MTTP: variants seen among roughly 807,000 people sequenced by gnomAD.
MTTP encodes microsomal triglyceride transfer protein.
A neutral mutation model predicts 90.6 loss-of-function variants in MTTP; 49 were observed. That is an observed-to-expected ratio of 0.54 (90% CI 0.43 to 0.69). MTTP has a LOEUF of 0.69. Among genes scored for constraint, MTTP ranks in the 30% least tolerant of loss-of-function variants. MTTP has a pLI of 0.00. For missense variants in MTTP, 945 were observed against 1,067.5 expected, an observed-to-expected ratio of 0.89 and a Z score of 1.60; for synonymous variants, 347 against 384.2, an observed-to-expected ratio of 0.90 and a Z score of 1.13.
chr4:99,613,609 G>C (rs958010500), intron 15 of MTTP, among the ~76,000 whole-genome samples: 3 of 152,180 alleles, frequency 2.0e-5, no homozygotes, highest in Non-Finnish European at 4.4e-5. Flanking sequence ...CCACGGCCAT[G>C]AGCCACATGC....
At chr4:99,596,947 TACA>T (rs1725567730) in intron 7 of MTTP, 117 bp from the exon 8 acceptor site, 1 of 1,316,318 alleles carries the variant, frequency 7.6e-7, no homozygotes, top group African/African-American at 1.4e-5. Flanking sequence ...TGAGGTAAGG[TACA>T]AAAAGCTGCT....
chr4:99,604,707 C>T (rs918037115), intron 10 of MTTP, among the ~76,000 whole-genome samples: 23 of 152,088 alleles, frequency 1.5e-4, no homozygotes, highest in Admixed American at 9.2e-4. Context: ...CCACTGCTAT[C>T]TCTAATTCTA....
chr4:99,605,869 A>ATGTGTGTGTG (rs111417359), intron 10 of MTTP, among the ~76,000 whole-genome samples: 4,024 of 149,230 alleles, frequency 0.027, 146 homozygotes, highest in African/African-American at 0.084. Flanking sequence ...AACCCCATGT[A>ATGTGTGTGTG]TGTGTGTGTG....
At chr4:99,576,304 GA>G (rs1724955621) in intron 1 of MTTP, among the ~76,000 whole-genome samples, 1 of 152,132 alleles carries the variant, frequency 6.6e-6, no homozygotes, top group Admixed American at 6.5e-5. Context: ...AGTATTTTGA[GA>G]AAAATAATTG....
At chr4:99,567,475 C>CA (rs1212087441) in intron 1 of MTTP, among the ~76,000 whole-genome samples, 33 of 152,196 alleles carry the variant, frequency 2.2e-4, no homozygotes, top group Admixed American at 1.2e-3. Context: ...AAACTGCCAA[C>CA]AAAAAATCAC....
chr4:99,598,893 C>G (rs1725627296), intron 8 of MTTP, among the ~76,000 whole-genome samples: 1 of 151,972 alleles, frequency 6.6e-6, no homozygotes, highest in African/African-American at 2.4e-5. Flanking sequence ...AAACTCCTGA[C>G]CTCAGGTGAT....
chr4:99,594,298 G>A (rs569134826), intron 6 of MTTP, among the ~76,000 whole-genome samples: 1 of 152,170 alleles, frequency 6.6e-6, no homozygotes, highest in Non-Finnish European at 1.5e-5. Flanking sequence ...TTTGATGACA[G>A]ACAGGTTCTG....
chr4:99,622,196 T>G (rs1726251831), intron 17 of MTTP, among the ~76,000 whole-genome samples: 1 of 152,200 alleles, frequency 6.6e-6, no homozygotes, highest in Non-Finnish European at 1.5e-5. Context: ...CCCAACCTTC[T>G]AATGGTTGAA....
chr4:99,618,484 G>C (rs1188021866), intron 15 of MTTP, among the ~76,000 whole-genome samples: 4 of 152,180 alleles, frequency 2.6e-5, no homozygotes, highest in Non-Finnish European at 4.4e-5. Flanking sequence ...ATTTCTGATG[G>C]AGATGCCTTC....
At chr4:99,564,882 C>A (rs1724628412) in intron 1 of MTTP, among the ~76,000 whole-genome samples, 1 of 152,196 alleles carries the variant, frequency 6.6e-6, no homozygotes, top group South Asian at 2.1e-4. Flanking sequence ...GCCGAAATTT[C>A]TTTGACTTTA....
intron 1 of MTTP, among the ~76,000 whole-genome samples, chr4:99,577,434 C>A (rs1293173036): frequency 2.6e-5 from 4 of 151,342 alleles, no homozygotes; most frequent in African/African-American, 7.3e-5. Flanking sequence ...GGAGAAACCC[C>A]ATCTCTGCTA....
At chr4:99,607,259 A>G (rs114682351) in intron 11 of MTTP, among the ~76,000 whole-genome samples, 5 of 152,348 alleles carry the variant, frequency 3.3e-5, no homozygotes, top group African/African-American at 9.6e-5. Flanking sequence ...ACATTTTTCA[A>G]TACTGAAATA....
At chr4:99,566,602 G>A (rs1724708274) in intron 1 of MTTP, among the ~76,000 whole-genome samples, 2 of 152,128 alleles carry the variant, frequency 1.3e-5, no homozygotes. Context: ...GAGAATATGG[G>A]CTTAATGGCA....
chr4:99,587,694 C>G (rs17532992), intron 3 of MTTP, among the ~76,000 whole-genome samples: 4,794 of 152,056 alleles, frequency 0.032, 104 homozygotes, highest in Non-Finnish European at 0.037. Context: ...AGGTTCATAC[C>G]AAAAAGACAT....
At chr4:99,595,975 T>C (rs1725542992) in intron 7 of MTTP, among the ~76,000 whole-genome samples, 1 of 152,008 alleles carries the variant, frequency 6.6e-6, no homozygotes, top group African/African-American at 2.4e-5. Context: ...TTGAGGAATT[T>C]GCTTTTCCAA....
Position 99,623,903 on chromosome 4 carries a change from C to T in MTTP, c.*1055C>T, listed in dbSNP as rs946010648. The T allele has an allele frequency of 5.3e-5, 8 of 152,152 alleles. No individual in the cohort carries two copies. Among genetic ancestry groups the T allele is most frequent in the Admixed American group, 2.0e-4 (3 of 15,278 alleles). 9.4% of individuals were successfully genotyped at this position (152,152 alleles called of 1,614,324 possible). ...AAAACAAATGACAGGTCCTTATTTT[C>T]CACTAAACACAGACACATGAAATGA... is the stretch of plus-strand genomic sequence containing the variant. On this transcript the variant is annotated 3_prime_UTR_variant, in exon 18 of 18. Coordinates refer to ENST00000265517, the MANE Select transcript of MTTP (RefSeq NM_001386140.1).
At chr4:99,577,998 T>A (rs1197346115) in intron 1 of MTTP, among the ~76,000 whole-genome samples, 1 of 152,152 alleles carries the variant, frequency 6.6e-6, no homozygotes, top group Non-Finnish European at 1.5e-5. Context: ...TTTTTTAACT[T>A]CTGACCCTTT....
At chr4:99,622,046 G>A (rs1315072049) in intron 17 of MTTP, among the ~76,000 whole-genome samples, 4 of 152,066 alleles carry the variant, frequency 2.6e-5, no homozygotes, top group East Asian at 1.9e-4. Flanking sequence ...ATTAAAAAAC[G>A]CATTGATTAT....
chr4:99,614,712 A>G lies in MTTP; in HGVS notation c.2217+1572A>G, dbSNP rs1252950822. 5.3e-5 allele frequency among the ~76,000 whole-genome samples: 8 copies of G among 152,310 alleles called. No individual in the cohort carries two copies. The East Asian group carries it at 1.5e-3, about 29-fold the overall frequency. ...TCCAGCACCACTTCCTCATTCCAAG[A>G]TGGAAGAAGGGAAGGATAAGAGGTC... On this transcript the variant is annotated intron_variant, in intron 15 of 17. Coordinates refer to ENST00000265517, the MANE Select transcript of MTTP (RefSeq NM_001386140.1).
Sources: allele counts gnomAD v4.1 joint callset (sites outside exome capture counted in the v4.1 genomes callset), GRCh38; gene constraint gnomAD v4.1.1; transcripts MANE v1.5; gene names NCBI Gene and HGNC (gene_info 2026-07-23, HGNC 2026-07-21).